The following MAGI1 variants were observed in gnomAD, a reference collection of about 807,000 sequenced individuals.
MAGI1 encodes membrane-associated guanylate kinase, WW and PDZ domain-containing protein 1.
In MAGI1, 58 loss-of-function variants were observed where a neutral mutation model predicts 139.9. The ratio of observed to expected loss-of-function variants is 0.41; its 90% confidence interval spans 0.34 to 0.52. The LOEUF (loss-of-function observed/expected upper bound fraction) is 0.52. MAGI1 is among the 20% of genes least tolerant of loss of function. MAGI1 has a pLI of 0.12. For missense variants in MAGI1, 1,874 were observed against 1,901.6 expected (o/e 0.99, Z 0.27); for synonymous variants, 812 against 737.9 (o/e 1.10, Z -1.63).
chr3:65,959,899 G>A (rs916781587), intron 1 of MAGI1, among the ~76,000 whole-genome samples: 11 of 131,216 alleles, frequency 8.4e-5, no homozygotes, highest in South Asian at 2.5e-4. Context: ...TCCACCTCCC[G>A]GGTTCACACC....
intron 2 of MAGI1, among the ~76,000 whole-genome samples, chr3:65,540,246 A>C (rs949365689): frequency 2.6e-5 from 4 of 152,194 alleles, no homozygotes; most frequent in African/African-American, 9.6e-5. Flanking sequence ...CTCAGTTTAT[A>C]CATGCCTTCC....
chr3:65,726,833 C>T (rs181561748), intron 1 of MAGI1, among the ~76,000 whole-genome samples: 1 of 151,646 alleles, frequency 6.6e-6, no homozygotes, highest in African/African-American at 2.4e-5. Context: ...CAAGTATCAC[C>T]ATTATCCGTT....
intron 2 of MAGI1, among the ~76,000 whole-genome samples, chr3:65,595,113 C>T (rs1333285989): frequency 6.6e-6 from 1 of 152,132 alleles, no homozygotes; most frequent in Non-Finnish European, 1.5e-5. Flanking sequence ...ATCTTATTCT[C>T]TCTGTCTTCT....
At chr3:65,654,343 C>T (rs770032322) in intron 1 of MAGI1, among the ~76,000 whole-genome samples, 4 of 152,034 alleles carry the variant, frequency 2.6e-5, no homozygotes, top group Non-Finnish European at 5.9e-5. Flanking sequence ...CGGAGATATA[C>T]AAAACTGAGG....
chr3:65,360,659 G>C, intron 22 of MAGI1: 1 of 986,512 alleles, frequency 1.0e-6, no homozygotes, highest in South Asian at 4.7e-5. Context: ...GGCTCAGATG[G>C]TCTGATTTGG....
At chr3:65,535,282 T>G (rs2107871108) in intron 2 of MAGI1, among the ~76,000 whole-genome samples, 1 of 152,310 alleles carries the variant, frequency 6.6e-6, no homozygotes, top group African/African-American at 2.4e-5. Context: ...GAAGATGTGC[T>G]TCAAGAGATT....
At chr3:65,757,156 A>T (rs2036628521) in intron 1 of MAGI1, among the ~76,000 whole-genome samples, 1 of 152,156 alleles carries the variant, frequency 6.6e-6, no homozygotes, top group Non-Finnish European at 1.5e-5. Context: ...AGAGAAAAAT[A>T]TATTTGATTG....
intron 5 of MAGI1, among the ~76,000 whole-genome samples, chr3:65,469,516 T>C (rs926183791): frequency 1.3e-5 from 2 of 152,082 alleles, no homozygotes; most frequent in African/African-American, 2.4e-5. Flanking sequence ...AAGCTAGTAT[T>C]TACATTTTAT....
At chr3:65,767,613 A>C in intron 1 of MAGI1, among the ~76,000 whole-genome samples, 1 of 152,214 alleles carries the variant, frequency 6.6e-6, no homozygotes, top group East Asian at 1.9e-4. Context: ...AAGCTCTGAC[A>C]ATTGTTACAT....
In MAGI1 at chr3:65,379,660, G is replaced by T; in HGVS notation, c.2702-106C>A. The T allele has an allele frequency of 2.0e-6, 3 of 1,508,726 alleles. No individual in the cohort carries two copies. The South Asian group carries it at 3.9e-5, about 20-fold the overall frequency. The allele number at this position is 1,508,726 out of a possible 1,614,324, so 93.5% of individuals were successfully genotyped here. Reference sequence around the variant, plus strand: ...CCTGCTAGAAATCAAAACGTGAACCGAGGGGAGGAGACAGCACCTGGTTTC... The same window carrying T: ...CCTGCTAGAAATCAAAACGTGAACCTAGGGGAGGAGACAGCACCTGGTTTC... On this transcript the variant is annotated intron_variant, in intron 16 of 22. Coordinates refer to ENST00000402939, the MANE Select transcript of MAGI1 (RefSeq NM_001033057.2).
intron 1 of MAGI1, among the ~76,000 whole-genome samples, chr3:65,884,341 A>G (rs2060449422): frequency 6.6e-6 from 1 of 152,248 alleles, no homozygotes; most frequent in Admixed American, 6.5e-5. Context: ...TTACTGATAC[A>G]CAAGGAAAAA....
At position 66,018,248 on chromosome 3, in the gene MAGI1, G is replaced by A. The variant is rs543710926; in HGVS notation, c.313+19748C>T. ...GAGCAGCCCCTGCATATTTTCACAC[G>A]TGTAACTTTCTGCTACCACCAGGGG... On this transcript the variant is annotated intron_variant, in intron 1 of 22. Coordinates refer to ENST00000402939, the MANE Select transcript of MAGI1 (RefSeq NM_001033057.2). Among the ~76,000 whole-genome samples, 4 of 152,078 alleles carry A rather than the reference G, an allele frequency of 2.6e-5. No homozygotes were observed. In the South Asian group the frequency reaches 6.2e-4, roughly 24 times the overall value.
intron 4 of MAGI1, among the ~76,000 whole-genome samples, chr3:65,473,199 AC>A (rs1311188938): frequency 2.0e-5 from 3 of 152,132 alleles, no homozygotes; most frequent in East Asian, 3.9e-4. Flanking sequence ...TTCAGGCCAG[AC>A]CTGTCCCCCA....
chr3:65,457,079 C>T (rs375100469), intron 5 of MAGI1, among the ~76,000 whole-genome samples: 2 of 152,158 alleles, frequency 1.3e-5, no homozygotes, highest in Non-Finnish European at 2.9e-5. Flanking sequence ...TCTGTATCTA[C>T]AAAAAGACTG....
chr3:65,601,811 GAA>G (rs1457053334), intron 2 of MAGI1, among the ~76,000 whole-genome samples: 1 of 139,728 alleles, frequency 7.2e-6, no homozygotes, highest in Non-Finnish European at 1.6e-5. Context: ...CCAAGTTAGT[GAA>G]AAGACACCCA....
At position 65,937,258 on chromosome 3, in the gene MAGI1, T is replaced by C. The variant is rs373176764; in HGVS notation, c.313+100738A>G. On this transcript the variant is annotated intron_variant, in intron 1 of 22. Coordinates refer to ENST00000402939, the MANE Select transcript of MAGI1 (RefSeq NM_001033057.2). Reference sequence around the variant, plus strand: ...GCAGCCTGACAAACACCTTGAAAACTCTTGCAGCCTATTTGCAGACCTCAG... The same window carrying C: ...GCAGCCTGACAAACACCTTGAAAACCCTTGCAGCCTATTTGCAGACCTCAG... Among the ~76,000 whole-genome samples, 36 of 148,790 alleles carry C rather than the reference T, an allele frequency of 2.4e-4. No homozygotes were observed. The East Asian group carries it at 3.9e-3, about 16-fold the overall frequency.
intron 12 of MAGI1, among the ~76,000 whole-genome samples, chr3:65,403,534 C>T (rs1483796190): frequency 1.3e-5 from 2 of 152,066 alleles, no homozygotes; most frequent in African/African-American, 4.8e-5. Context: ...TATAAGATGA[C>T]ATCTTTAAAT....
At chr3:65,549,654 C>T (rs2079722075) in intron 2 of MAGI1, among the ~76,000 whole-genome samples, 1 of 152,078 alleles carries the variant, frequency 6.6e-6, no homozygotes, top group Non-Finnish European at 1.5e-5. Context: ...CCCGGGAGTG[C>T]GCGACTGCCT....
intron 1 of MAGI1, among the ~76,000 whole-genome samples, chr3:65,800,438 G>A (rs1304119390): frequency 6.6e-6 from 1 of 152,044 alleles, no homozygotes; most frequent in East Asian, 1.9e-4. Context: ...TCCCCACAAA[G>A]AGTTAGAGGG....
Sources: allele counts gnomAD v4.1 joint callset (sites outside exome capture counted in the v4.1 genomes callset), GRCh38; gene constraint gnomAD v4.1.1; transcripts MANE v1.5; gene names NCBI Gene and HGNC (gene_info 2026-07-23, HGNC 2026-07-21).